Variants in NCKAP5 observed in about 807,000 individuals in gnomAD.
NCKAP5 encodes NCK associated protein 5.
A neutral mutation model predicts 167.0 loss-of-function variants in NCKAP5; 92 were observed. The observed-to-expected ratio is 0.55, with a 90% CI of 0.47 to 0.66. NCKAP5 has a LOEUF of 0.66. Ranked by LOEUF, NCKAP5 falls within the 30% of genes least tolerant of loss-of-function variation. The pLI, the probability that NCKAP5 is intolerant of heterozygous loss-of-function variation, is 0.00. For missense variants in NCKAP5, 2,378 were observed against 2,315.0 expected (o/e 1.03, Z -0.56); for synonymous variants, 891 against 877.4 (o/e 1.02, Z -0.27).
At chr2:133,053,864 A>G (rs1036281492) in intron 6 of NCKAP5, among the ~76,000 whole-genome samples, 1 of 152,228 alleles carries the variant, frequency 6.6e-6, no homozygotes, top group Non-Finnish European at 1.5e-5. Flanking sequence ...AGCAAATACT[A>G]TGAGAGCATT....
At chr2:133,458,883 A>G (rs1170025049) in intron 3 of NCKAP5, among the ~76,000 whole-genome samples, 1 of 152,164 alleles carries the variant, frequency 6.6e-6, no homozygotes, top group Non-Finnish European at 1.5e-5. Flanking sequence ...TCTAGGGGGA[A>G]TTTCATCTGC....
chr2:133,655,006 T>C, the NCKAP5 span, among the ~76,000 whole-genome samples: 1 of 152,206 alleles, frequency 6.6e-6, no homozygotes, highest in Non-Finnish European at 1.5e-5. Context: ...TAGGCAAACA[T>C]TGACCATCAT....
chr2:132,793,808 T>C (rs1448070381), intron 12 of NCKAP5, among the ~76,000 whole-genome samples: 1 of 152,138 alleles, frequency 6.6e-6, no homozygotes, highest in Admixed American at 6.5e-5. Flanking sequence ...GCCACTCTTT[T>C]CTACTGGGAA....
chr2:133,416,522 A>C lies in NCKAP5; in HGVS notation c.69+100936T>G, dbSNP rs141842742. ...CTCTTTGTAAAAAGGATCACAGCAA[A>C]TGGAAACTTCAGGCTTCTTGGAAAG... is the stretch of plus-strand genomic sequence containing the variant. On this transcript the variant is annotated intron_variant, in intron 3 of 19. Coordinates refer to ENST00000409261, the MANE Select transcript of NCKAP5 (RefSeq NM_207363.3). Among the ~76,000 whole-genome samples the C allele has an allele frequency of 1.2e-4, 18 of 152,304 alleles. No individual in the cohort carries two copies. The East Asian group carries it at 3.5e-3, about 29-fold the overall frequency.
At chr2:133,670,509 C>T in the NCKAP5 span, among the ~76,000 whole-genome samples, 13 of 152,288 alleles carry the variant, frequency 8.5e-5, no homozygotes, top group Non-Finnish European at 1.6e-4. Context: ...CCACAGACTT[C>T]GAGAAAACAT....
At chr2:132,778,603 A>T (rs904147660) in intron 15 of NCKAP5, among the ~76,000 whole-genome samples, 1 of 152,186 alleles carries the variant, frequency 6.6e-6, no homozygotes, top group African/African-American at 2.4e-5. Flanking sequence ...AGAGTGTGAT[A>T]CGTAGTGCAT....
At chr2:133,534,769 T>G (rs1375420710) in intron 2 of NCKAP5, among the ~76,000 whole-genome samples, 1 of 152,246 alleles carries the variant, frequency 6.6e-6, no homozygotes, top group Non-Finnish European at 1.5e-5. Context: ...CTGGGCTGTT[T>G]CCACATTTTT....
At position 133,213,724 on chromosome 2, in the gene NCKAP5, C is replaced by A; in HGVS notation, c.199G>T (p.Gly67Trp). Residue 67 changes from glycine to tryptophan, a missense_variant, in exon 5 of 20, where the codon GGG (glycine) becomes TGG (tryptophan). Gly to Trp is a radical substitution (Grantham distance 184). Coordinates refer to ENST00000409261, the MANE Select transcript of NCKAP5 (RefSeq NM_207363.3). ...CGGCAGTCAGGACTTACCATGGCCC[C>A]CTCACTTGTTCTTTGGGCAACTTCT... ...QREVAQRTSEGAMHEKLIHEL... is the reference protein window; with the variant it reads ...QREVAQRTSEWAMHEKLIHEL... 1 of 1,613,698 alleles carries A rather than the reference C, an allele frequency of 6.2e-7. No individual in the cohort carries two copies. The highest frequency in any genetic ancestry group is 8.5e-7 in the Non-Finnish European group (1 of 1,179,794).
At chr2:132,795,421 TC>T (rs767672831) in intron 12 of NCKAP5, among the ~76,000 whole-genome samples, 3 of 152,250 alleles carry the variant, frequency 2.0e-5, no homozygotes, top group Non-Finnish European at 4.4e-5. Flanking sequence ...AAGTATATTT[TC>T]CTCATTGTTT....
intron 8 of NCKAP5, among the ~76,000 whole-genome samples, chr2:132,938,788 G>T (rs569987325): frequency 1.3e-5 from 2 of 152,126 alleles, no homozygotes; most frequent in African/African-American, 4.8e-5. Context: ...AGGTGAGAAA[G>T]AGGGAGAGAG....
At chr2:133,045,599 T>G (rs1265219124) in intron 6 of NCKAP5, among the ~76,000 whole-genome samples, 2 of 152,176 alleles carry the variant, frequency 1.3e-5, no homozygotes, top group East Asian at 3.8e-4. Context: ...AGGGGATGCC[T>G]GAAATAGTGA....
At position 132,731,507 on chromosome 2, in the gene NCKAP5, C is replaced by A. The variant is rs188304081; in HGVS notation, c.5443+230G>T. Among the ~76,000 whole-genome samples the A allele has an allele frequency of 2.5e-3, 386 of 152,230 alleles. 3 individuals are homozygous for A. Among genetic ancestry groups the A allele is most frequent in the Non-Finnish European group, 2.1e-3 (140 of 68,024 alleles). On this transcript the variant is annotated intron_variant, in intron 17 of 19. Coordinates refer to ENST00000409261, the MANE Select transcript of NCKAP5 (RefSeq NM_207363.3). ...CTTAATCAGTTCATATATCCATATA[C>A]CAGTATTTACATGTCTGTTTCCTTA...
intron 7 of NCKAP5, among the ~76,000 whole-genome samples, chr2:132,973,681 T>C (rs1386593414): frequency 6.6e-6 from 1 of 152,078 alleles, no homozygotes; most frequent in African/African-American, 2.4e-5. Context: ...TTCGTGCTTC[T>C]TTTCCAGAAG....
chr2:133,657,564 CAA>C, the NCKAP5 span, among the ~76,000 whole-genome samples: 1 of 152,078 alleles, frequency 6.6e-6, no homozygotes, highest in Admixed American at 6.6e-5. Context: ...TCGGAAAAGT[CAA>C]AGAGACATTA....
intron 3 of NCKAP5, among the ~76,000 whole-genome samples, chr2:133,422,640 G>C (rs1689553258): frequency 6.6e-6 from 1 of 152,174 alleles, no homozygotes; most frequent in Non-Finnish European, 1.5e-5. Flanking sequence ...TCTCTCACAT[G>C]CCCTCCTAAT....
intron 4 of NCKAP5, among the ~76,000 whole-genome samples, chr2:133,229,163 G>A (rs1185864498): frequency 6.6e-6 from 1 of 152,164 alleles, no homozygotes; most frequent in Non-Finnish European, 1.5e-5. Context: ...CAAACAACAG[G>A]AAATGTTTTT....
At chr2:132,882,698 T>A (rs1362975837) in intron 8 of NCKAP5, among the ~76,000 whole-genome samples, 1 of 152,222 alleles carries the variant, frequency 6.6e-6, no homozygotes, top group African/African-American at 2.4e-5. Context: ...TCAAATTTAA[T>A]TTCCTCTCTT....
intron 4 of NCKAP5, among the ~76,000 whole-genome samples, chr2:133,257,241 A>C (rs549151948): frequency 9.2e-5 from 14 of 152,240 alleles, no homozygotes; most frequent in Non-Finnish European, 1.6e-4. Context: ...AAGTGCCAAC[A>C]AGCAATATAA....
At chr2:133,596,091 G>A in the NCKAP5 span, 1 of 153,098 alleles carries the variant, frequency 6.5e-6, no homozygotes, top group African/African-American at 2.4e-5. Flanking sequence ...ACAAAAACGT[G>A]GATGTGAGCG....
Sources: gnomAD v4.1 joint callset for allele counts (sites outside exome capture counted in the v4.1 genomes callset) on GRCh38, gnomAD v4.1.1 for gene constraint, MANE v1.5 for transcripts, NCBI Gene and HGNC (gene_info 2026-07-23, HGNC 2026-07-21) for gene names.